NKAIN2: variants seen among roughly 807,000 people sequenced by gnomAD.
NKAIN2 encodes sodium/potassium transporting ATPase interacting 2, also known as sodium/potassium-transporting ATPase subunit beta-1-interacting protein 2.
In NKAIN2, 14 loss-of-function variants were observed where a neutral mutation model predicts 32.6. That is an observed-to-expected ratio of 0.43 (90% confidence interval 0.28 to 0.67). NKAIN2 has a LOEUF of 0.67. NKAIN2 is among the 30% of genes least tolerant of loss of function. The probability of loss-of-function intolerance (pLI) is 0.17; values close to 1 mark genes in which losing one functional copy is unlikely to be tolerated. For synonymous variants in NKAIN2, 80 were observed against 87.2 expected, an observed-to-expected ratio of 0.92 and a Z score of 0.46; for missense variants, 198 against 258.3, an observed-to-expected ratio of 0.77 and a Z score of 1.60.
chr6:124,058,982 A>G (rs542370615), intron 1 of NKAIN2, among the ~76,000 whole-genome samples: 133 of 152,198 alleles, frequency 8.7e-4, no homozygotes, highest in Non-Finnish European at 1.6e-3. Flanking sequence ...ACTATTAATA[A>G]TAAGTTAGGA....
chr6:124,581,462 A>T (rs912713426), intron 3 of NKAIN2, among the ~76,000 whole-genome samples: 1 of 150,952 alleles, frequency 6.6e-6, no homozygotes, highest in Non-Finnish European at 1.5e-5. Context: ...AAAAAAAAAA[A>T]AAAAAAAAGA....
At chr6:124,138,745 A>G (rs1369282072) in intron 1 of NKAIN2, among the ~76,000 whole-genome samples, 3 of 146,080 alleles carry the variant, frequency 2.1e-5, no homozygotes, top group African/African-American at 7.7e-5. Context: ...ATGATGGAAC[A>G]GTGTTCAGCC....
At chr6:124,157,054 G>T (rs1042404681) in intron 1 of NKAIN2, among the ~76,000 whole-genome samples, 3 of 124,046 alleles carry the variant, frequency 2.4e-5, no homozygotes, top group African/African-American at 9.2e-5. Flanking sequence ...AGTGAGCCGA[G>T]ATCGAGCCAC....
chr6:124,709,450 C>T (rs1445173362), intron 4 of NKAIN2, among the ~76,000 whole-genome samples: 1 of 151,796 alleles, frequency 6.6e-6, no homozygotes, highest in Non-Finnish European at 1.5e-5. Context: ...TAGAATTCGG[C>T]TGTGAATCCA....
chr6:124,564,264 A>G (rs929800704), intron 3 of NKAIN2, among the ~76,000 whole-genome samples: 2 of 148,538 alleles, frequency 1.3e-5, no homozygotes, highest in African/African-American at 5.2e-5. Context: ...TGCAGCAATC[A>G]GCACTCTGTG....
At chr6:124,223,688 A>G (rs1582877727) in intron 1 of NKAIN2, among the ~76,000 whole-genome samples, 1 of 152,048 alleles carries the variant, frequency 6.6e-6, no homozygotes, top group Admixed American at 6.5e-5. Flanking sequence ...TGATTTGTTT[A>G]TTTTGTCAAC....
chr6:124,565,182 G>T (rs1046797089), intron 3 of NKAIN2, among the ~76,000 whole-genome samples: 1 of 152,082 alleles, frequency 6.6e-6, no homozygotes, highest in African/African-American at 2.4e-5. Flanking sequence ...CCTTAACTTT[G>T]CATATCCAGA....
intron 4 of NKAIN2, among the ~76,000 whole-genome samples, chr6:124,762,796 G>A (rs1778331302): frequency 6.6e-6 from 1 of 152,286 alleles, no homozygotes; most frequent in Non-Finnish European, 1.5e-5. Context: ...CTGGAATGTT[G>A]ACTATCGGAG....
intron 4 of NKAIN2, among the ~76,000 whole-genome samples, chr6:124,683,325 AATG>A (rs1422178840): frequency 2.6e-5 from 4 of 152,182 alleles, no homozygotes; most frequent in Non-Finnish European, 5.9e-5. Flanking sequence ...GGGACTTTTT[AATG>A]AGACTTTCTC....
chr6:124,170,738 A>G (rs1042642384), intron 1 of NKAIN2, among the ~76,000 whole-genome samples: 1 of 152,190 alleles, frequency 6.6e-6, no homozygotes, highest in African/African-American at 2.4e-5. Flanking sequence ...TAGCAAAGAT[A>G]GTAATATGTG....
intron 2 of NKAIN2, among the ~76,000 whole-genome samples, chr6:124,314,066 C>A: frequency 6.6e-6 from 1 of 152,012 alleles, no homozygotes; most frequent in East Asian, 1.9e-4. Flanking sequence ...TTATACAGGC[C>A]AGAATGGGAG....
At chr6:124,765,887 T>C (rs756639457) in intron 4 of NKAIN2, among the ~76,000 whole-genome samples, 2 of 152,228 alleles carry the variant, frequency 1.3e-5, no homozygotes, top group South Asian at 2.1e-4. Context: ...GGTTCTTAAA[T>C]TGGTCCTGTT....
Position 123,804,093 on chromosome 6 carries a change from A to G in NKAIN2, c.-108A>G, listed in dbSNP as rs148311232. 1 of 982,878 alleles carries G rather than the reference A, an allele frequency of 1.0e-6. No homozygotes were observed. Among genetic ancestry groups the G allele is most frequent in the East Asian group, 2.4e-5 (1 of 41,958 alleles). 60.9% of individuals were successfully genotyped at this position (982,878 alleles called of 1,614,324 possible). ...CAGCAGCAGCAGCCCGGAGCCCCCG[A>G]GCCCTCGGCAGGTTTGCGTGTCCTT... On this transcript the variant is annotated 5_prime_UTR_variant, in exon 1 of 7. Transcript: ENST00000368417.
rs576203137 is a variant in NKAIN2, at chr6:124,512,176, A to T, written c.274-146010A>T. Among the ~76,000 whole-genome samples the T allele has an allele frequency of 1.0e-3, 156 of 152,332 alleles. 1 individual carries two copies. The South Asian group carries it at 0.014, about 14-fold the overall frequency. ...AAAATCATCCTTTGGAGACTAATGG[A>T]AAGGATGTATATTTGAAACATCCAC... On this transcript the variant is annotated intron_variant, in intron 3 of 6. Transcript: ENST00000368417.
intron 1 of NKAIN2, among the ~76,000 whole-genome samples, chr6:124,273,451 GT>G (rs529601748): frequency 3.9e-4 from 60 of 152,154 alleles, no homozygotes; most frequent in Non-Finnish European, 6.9e-4. Flanking sequence ...ATGCAGAATT[GT>G]GAGTTAATTA....
chr6:124,080,478 T>C, intron 1 of NKAIN2, among the ~76,000 whole-genome samples: 1 of 152,150 alleles, frequency 6.6e-6, no homozygotes, highest in East Asian at 1.9e-4. Flanking sequence ...TTTTACTAAT[T>C]CTTGCTTGTG....
intron 1 of NKAIN2, among the ~76,000 whole-genome samples, chr6:124,114,327 G>C (rs1350554365): frequency 6.6e-6 from 1 of 151,544 alleles, no homozygotes; most frequent in Non-Finnish European, 1.5e-5. Context: ...GGGACATTTG[G>C]CCTTATCAAT....
At chr6:124,198,770 C>G (rs1385982720) in intron 1 of NKAIN2, among the ~76,000 whole-genome samples, 1 of 152,036 alleles carries the variant, frequency 6.6e-6, no homozygotes, top group Non-Finnish European at 1.5e-5. Context: ...TTATGGTGGT[C>G]CACGTTCTTT....
At chr6:123,982,592 G>A (rs1430921268) in intron 1 of NKAIN2, among the ~76,000 whole-genome samples, 4 of 152,070 alleles carry the variant, frequency 2.6e-5, no homozygotes, top group East Asian at 1.9e-4. Flanking sequence ...ACATAAAACC[G>A]TACCAAGTGT....
Sources: allele counts gnomAD v4.1 joint callset (sites outside exome capture counted in the v4.1 genomes callset), GRCh38; gene constraint gnomAD v4.1.1; transcripts MANE v1.5; gene names NCBI Gene and HGNC (gene_info 2026-07-23, HGNC 2026-07-21).